Variants in ACOT12 observed in about 807,000 individuals in gnomAD.
ACOT12 encodes the protein acyl-CoA thioesterase 12, also known as acetyl-coenzyme A thioesterase.
Under a neutral mutation model 67.7 loss-of-function variants are expected in ACOT12, and 51 were observed. That is an observed-to-expected ratio of 0.75 (90% confidence interval 0.60 to 0.95). The LOEUF is 0.95. Among genes scored for constraint, ACOT12 ranks in the 40% least tolerant of loss-of-function variants. The probability of loss-of-function intolerance (pLI) is 0.00; values close to 1 mark genes in which losing one functional copy is unlikely to be tolerated. For synonymous variants in ACOT12, 251 were observed against 244.6 expected (o/e 1.03, Z -0.24); for missense variants, 734 against 708.1 (o/e 1.04, Z -0.41).
At chr5:81,342,137 T>C (rs1759214988) in intron 11 of ACOT12, among the ~76,000 whole-genome samples, 1 of 152,128 alleles carries the variant, frequency 6.6e-6, no homozygotes, top group South Asian at 2.1e-4. Flanking sequence ...ACTACAAGTG[T>C]CTGCTACCAC....
chr5:81,357,022 G>T (rs1205329680), intron 5 of ACOT12, among the ~76,000 whole-genome samples: 1 of 151,484 alleles, frequency 6.6e-6, no homozygotes, highest in Non-Finnish European at 1.5e-5. Context: ...TTCCTCTCCC[G>T]CCTCCCTCTA....
At chr5:81,346,797 C>T (rs1446116219) in intron 6 of ACOT12, among the ~76,000 whole-genome samples, 1 of 152,054 alleles carries the variant, frequency 6.6e-6, no homozygotes, top group Non-Finnish European at 1.5e-5. Context: ...ATAGTCATAA[C>T]TATAGACATA....
the ACOT12 span, among the ~76,000 whole-genome samples, chr5:81,319,409 C>CA: frequency 6.6e-6 from 1 of 152,168 alleles, no homozygotes. Flanking sequence ...AGAGCATCTT[C>CA]AACACTTTCA....
chr5:81,371,272 A>G (rs1187555817), intron 3 of ACOT12, among the ~76,000 whole-genome samples: 1 of 152,132 alleles, frequency 6.6e-6, no homozygotes, highest in Non-Finnish European at 1.5e-5. Flanking sequence ...GTTTCTTAAG[A>G]GACAAAGTCT....
intron 11 of ACOT12, among the ~76,000 whole-genome samples, chr5:81,338,637 A>C (rs1340507803): frequency 6.6e-6 from 1 of 151,904 alleles, no homozygotes; most frequent in Non-Finnish European, 1.5e-5. Context: ...TAATACGCCA[A>C]CTCAAACGTT....
At chr5:81,357,472 A>C (rs1759752450) in intron 5 of ACOT12, among the ~76,000 whole-genome samples, 1 of 151,918 alleles carries the variant, frequency 6.6e-6, no homozygotes, top group African/African-American at 2.4e-5. Context: ...CTATATGACT[A>C]TCAATGATTT....
rs2153854313 is a variant in ACOT12 at position 81,359,950 on chromosome 5, T to C, written c.449A>G (p.His150Arg). Residue 150 changes from histidine to arginine, a missense_variant, in exon 5 of 15, where the codon CAT (histidine) becomes CGT (arginine). Physicochemically the swap from His to Arg is conservative, Grantham distance 29. Transcript: ENST00000307624. ...AAERRKVRLQ[H>R]EDTFNNLMKE... Reference sequence around the variant, plus strand: ...CATTAAATTGTTAAAGGTATCTTCATGTTGTAATCGAACTTTCCTTCTCTC... The same window carrying C: ...CATTAAATTGTTAAAGGTATCTTCACGTTGTAATCGAACTTTCCTTCTCTC... 2.5e-6 allele frequency: 4 copies of C among 1,612,828 alleles called. No homozygotes were observed. The highest frequency in any genetic ancestry group is 2.5e-6 in the Non-Finnish European group (3 of 1,179,670).
chr5:81,367,841 A>G (rs1226347473), intron 3 of ACOT12, among the ~76,000 whole-genome samples: 2 of 152,238 alleles, frequency 1.3e-5, no homozygotes, highest in Non-Finnish European at 2.9e-5. Flanking sequence ...TACATGTACA[A>G]AAAGACAGGT....
Position 81,344,143 on chromosome 5 carries a change from C to T in ACOT12, c.980+17G>A. ...TAACGAAGACTCCATAAAATCATTA[C>T]ACCTTATGTTCCTTACCTGCCTAGG... On this transcript the variant is annotated intron_variant, in intron 9 of 14. Coordinates refer to ENST00000307624, the MANE Select transcript of ACOT12 (RefSeq NM_130767.3). 1 of 1,612,096 alleles carries T rather than the reference C, an allele frequency of 6.2e-7. No individual in the cohort carries two copies. Among genetic ancestry groups the T allele is most frequent in the Non-Finnish European group, 8.5e-7 (1 of 1,179,148 alleles).
intron 2 of ACOT12, among the ~76,000 whole-genome samples, chr5:81,379,630 A>G (rs1580590468): frequency 1.3e-5 from 2 of 152,316 alleles, no homozygotes; most frequent in Admixed American, 1.3e-4. Context: ...AGTGACTGGC[A>G]GGATCAGAGT....
chr5:81,356,832 T>G (rs573624558), intron 5 of ACOT12, among the ~76,000 whole-genome samples: 1 of 152,058 alleles, frequency 6.6e-6, no homozygotes, highest in African/African-American at 2.4e-5. Flanking sequence ...ACTGCCTGGT[T>G]TAGGCACCCC....
At chr5:81,355,064 G>A (rs1759669144) in intron 5 of ACOT12, among the ~76,000 whole-genome samples, 1 of 152,166 alleles carries the variant, frequency 6.6e-6, no homozygotes, top group African/African-American at 2.4e-5. Flanking sequence ...CCTTGACTTT[G>A]AGGGTCGCCT....
the ACOT12 span, among the ~76,000 whole-genome samples, chr5:81,310,157 T>TAAAAAAAAAAAAAAAAAAAAAAAAAAAA: frequency 1.3e-4 from 14 of 104,752 alleles, no homozygotes; most frequent in African/African-American, 4.9e-4. Context: ...TGACTAGCTG[T>TAAAAAAAAAAAAAAAAAAAAAAAAAAAA]AAAAAAAAAA....
At chr5:81,378,864 G>A (rs562617300) in intron 2 of ACOT12, among the ~76,000 whole-genome samples, 7 of 151,910 alleles carry the variant, frequency 4.6e-5, no homozygotes, top group East Asian at 1.9e-4. Flanking sequence ...GGGAAATAAC[G>A]CTTTTACATT....
At chr5:81,362,673 A>G (rs921361827) in intron 4 of ACOT12, among the ~76,000 whole-genome samples, 3 of 152,138 alleles carry the variant, frequency 2.0e-5, no homozygotes, top group African/African-American at 7.2e-5. Context: ...TGGGGATGCC[A>G]GGAAAAACAG....
intron 3 of ACOT12, among the ~76,000 whole-genome samples, chr5:81,369,865 C>T (rs1023290624): frequency 6.6e-6 from 1 of 152,192 alleles, no homozygotes; most frequent in African/African-American, 2.4e-5. Flanking sequence ...GGCTAAGAGC[C>T]CCACAGTTGA....
chr5:81,393,529 C>T (rs1223013133), intron 1 of ACOT12, among the ~76,000 whole-genome samples: 1 of 152,002 alleles, frequency 6.6e-6, no homozygotes, highest in African/African-American at 2.4e-5. Flanking sequence ...TAGTGAGACC[C>T]CATCTCTACA....
chr5:81,337,744 G>A (rs1759048837), intron 11 of ACOT12, among the ~76,000 whole-genome samples: 2 of 152,188 alleles, frequency 1.3e-5, no homozygotes, highest in South Asian at 4.1e-4. Flanking sequence ...CAGACTACCA[G>A]CTTCCAGAAT....
the ACOT12 span, among the ~76,000 whole-genome samples, chr5:81,313,756 A>G: frequency 1.1e-4 from 16 of 152,240 alleles, no homozygotes. Flanking sequence ...TAAGAAAAGA[A>G]ACACTTTTCT....
Sources: allele counts gnomAD v4.1 joint callset (sites outside exome capture counted in the v4.1 genomes callset), GRCh38; gene constraint gnomAD v4.1.1; transcripts MANE v1.5; gene names NCBI Gene and HGNC (gene_info 2026-07-23, HGNC 2026-07-21).